The following PRKCH variants were observed in gnomAD, a reference collection of about 807,000 sequenced individuals.
PRKCH encodes protein kinase C eta type.
PRKCH carries 28 observed loss-of-function variants against 82.5 expected under a neutral mutation model. That is an observed-to-expected ratio of 0.34 (90% CI 0.25 to 0.47). The LOEUF is 0.47. PRKCH is among the 20% of genes least tolerant of loss of function. PRKCH has a pLI of 1.00. For synonymous variants in PRKCH, 322 were observed against 327.4 expected (o/e 0.98, Z 0.18); for missense variants, 705 against 881.8 (o/e 0.80, Z 2.54).
Position 61,330,120 on chromosome 14 carries a change from G to A in PRKCH, c.363+7656G>A, listed in dbSNP as rs111358047. Among the ~76,000 whole-genome samples the A allele has an allele frequency of 4.4e-3, 665 of 152,256 alleles. 6 individuals are homozygous for A. The highest frequency in any genetic ancestry group is 0.014 in the African/African-American group (594 of 41,536). On this transcript the variant is annotated intron_variant, in intron 1 of 13. Coordinates refer to ENST00000332981, the MANE Select transcript of PRKCH (RefSeq NM_006255.5). ...TAATTCCAAGGGGGAGGGAGATTGG[G>A]ATAAAAAGCAAACAAAAGCAACTAG...
chr14:61,350,041 T>A (rs1245116294), intron 1 of PRKCH, among the ~76,000 whole-genome samples: 1 of 152,006 alleles, frequency 6.6e-6, no homozygotes, highest in African/African-American at 2.4e-5. Flanking sequence ...ATGACAAGAG[T>A]ATGTTTTAAA....
chr14:61,405,272 G>C (rs1594669991), intron 2 of PRKCH, among the ~76,000 whole-genome samples: 1 of 152,174 alleles, frequency 6.6e-6, no homozygotes, highest in South Asian at 2.1e-4. Context: ...AATATAATTA[G>C]CTGTAATTCA....
chr14:61,208,670 A>G (rs1211280454), intron 1 of PRKCH, among the ~76,000 whole-genome samples: 1 of 152,226 alleles, frequency 6.6e-6, no homozygotes, highest in African/African-American at 2.4e-5. Flanking sequence ...TCTATAGCTT[A>G]AATAAGGTTT....
At position 61,457,486 on chromosome 14, in the gene PRKCH, C is replaced by T. The variant is rs1566893716; in HGVS notation, c.1105-20C>T. 6.2e-7 allele frequency: 1 copy of T among 1,611,964 alleles called. No individual in the cohort carries two copies. The highest frequency in any genetic ancestry group is 1.3e-5 in the African/African-American group (1 of 74,992). On this transcript the variant is annotated intron_variant, in intron 8 of 13. Coordinates refer to ENST00000332981, the MANE Select transcript of PRKCH (RefSeq NM_006255.5). ...CCCCAAGAGGACTCCCTCATGCTCC[C>T]TCCTTTTGCTTTGCCATAGGTGATG...
intron 1 of PRKCH, among the ~76,000 whole-genome samples, chr14:61,230,207 C>A (rs958745037): frequency 6.6e-6 from 1 of 152,164 alleles, no homozygotes; most frequent in South Asian, 2.1e-4. Context: ...CTGGCCAAAG[C>A]CTCCTGCTTC....
At chr14:61,307,672 C>A (rs1009658095) in intron 1 of PRKCH, among the ~76,000 whole-genome samples, 1 of 152,128 alleles carries the variant, frequency 6.6e-6, no homozygotes, top group Non-Finnish European at 1.5e-5. Flanking sequence ...TCTGGCCCAT[C>A]TTATTACAAT....
intron 2 of PRKCH, among the ~76,000 whole-genome samples, chr14:61,434,525 A>C (rs902351164): frequency 1.3e-5 from 2 of 152,232 alleles, no homozygotes; most frequent in Non-Finnish European, 2.9e-5. Context: ...AATAGAGGAA[A>C]ATGAAATATT....
At chr14:61,288,749 T>C (rs867088187) in intron 1 of PRKCH, among the ~76,000 whole-genome samples, 2 of 152,214 alleles carry the variant, frequency 1.3e-5, no homozygotes, top group African/African-American at 4.8e-5. Flanking sequence ...GATGTGATGA[T>C]AGGAGCTCTG....
At chr14:61,400,316 C>T (rs1881541935) in intron 2 of PRKCH, among the ~76,000 whole-genome samples, 1 of 152,148 alleles carries the variant, frequency 6.6e-6, no homozygotes, top group Non-Finnish European at 1.5e-5. Context: ...TTATAGCATT[C>T]CTTTCTCAGA....
chr14:61,439,419 A>T (rs576196605), intron 2 of PRKCH, among the ~76,000 whole-genome samples: 2 of 152,148 alleles, frequency 1.3e-5, no homozygotes, highest in South Asian at 4.1e-4. Context: ...GCAAAGTCCC[A>T]GGTGTGTGTG....
At chr14:61,333,678 G>C (rs1998673) in intron 1 of PRKCH, among the ~76,000 whole-genome samples, 138,296 of 152,086 alleles carry the variant, frequency 0.91, 63,207 homozygotes, top group East Asian at 1. Flanking sequence ...TAAAGAGTTT[G>C]TTTGAGGTTT....
intron 1 of PRKCH, among the ~76,000 whole-genome samples, chr14:61,340,683 G>A (rs986362794): frequency 6.6e-6 from 1 of 152,158 alleles, no homozygotes; most frequent in Non-Finnish European, 1.5e-5. Context: ...CCCGATATCA[G>A]GTCCAGGGTC....
At chr14:61,457,769 T>A in intron 9 of PRKCH, 90 bp downstream of exon 9, 1 of 1,524,388 alleles carries the variant, frequency 6.6e-7, no homozygotes, top group Non-Finnish European at 8.9e-7. Context: ...AAGTTGAGTA[T>A]CAGAAATTTT....
chr14:61,252,506 C>T (rs1247617586), intron 1 of PRKCH, among the ~76,000 whole-genome samples: 1 of 152,140 alleles, frequency 6.6e-6, no homozygotes, highest in Non-Finnish European at 1.5e-5. Context: ...CTTGCTCTGC[C>T]AAGGTCAGAG....
At chr14:61,282,689 C>A (rs945073945) in intron 1 of PRKCH, among the ~76,000 whole-genome samples, 6 of 152,060 alleles carry the variant, frequency 3.9e-5, no homozygotes, top group African/African-American at 1.4e-4. Flanking sequence ...AAATTGCATT[C>A]TACAAGTCAC....
chr14:61,381,750 G>A (rs2046513149), intron 1 of PRKCH, among the ~76,000 whole-genome samples: 1 of 152,250 alleles, frequency 6.6e-6, no homozygotes, highest in Non-Finnish European at 1.5e-5. Context: ...TGAGGCGAGA[G>A]CACCCTCAGG....
intron 1 of PRKCH, among the ~76,000 whole-genome samples, chr14:61,380,048 TTTTTGTTTTG>T (rs377696999): frequency 3.3e-5 from 5 of 150,448 alleles, no homozygotes; most frequent in African/African-American, 1.2e-4. Flanking sequence ...TCTTAGTTCT[TTTTTGTTTTG>T]TTTTGTTTTG....
At chr14:61,307,111 C>G (rs2045490242) in intron 1 of PRKCH, 1 of 152,062 alleles carries the variant, frequency 6.6e-6, no homozygotes, top group Non-Finnish European at 1.5e-5. Flanking sequence ...TTCTTAACAA[C>G]AACAGGGCCG....
intron 2 of PRKCH, among the ~76,000 whole-genome samples, chr14:61,414,111 G>A (rs888295839): frequency 1.3e-5 from 2 of 151,848 alleles, no homozygotes; most frequent in African/African-American, 4.8e-5. Flanking sequence ...TCAGCCCGCC[G>A]CTGTCCCCAT....
Sources: allele counts gnomAD v4.1 joint callset (sites outside exome capture counted in the v4.1 genomes callset), GRCh38; gene constraint gnomAD v4.1.1; transcripts MANE v1.5; gene names NCBI Gene and HGNC (gene_info 2026-07-23, HGNC 2026-07-21).